Variants in EPB41L2 observed in about 807,000 individuals in gnomAD.
EPB41L2 encodes the protein band 4.1-like protein 2.
A neutral mutation model predicts 113.0 loss-of-function variants in EPB41L2; 43 were observed. The ratio of observed to expected loss-of-function variants is 0.38; its 90% CI spans 0.30 to 0.49. The LOEUF is 0.49. Among genes scored for constraint, EPB41L2 ranks in the 20% least tolerant of loss-of-function variants. The pLI, the probability that EPB41L2 is intolerant of heterozygous loss-of-function variation, is 0.95. For synonymous variants in EPB41L2, 442 were observed against 436.7 expected, an observed-to-expected ratio of 1.01 and a Z score of -0.15; for missense variants, 1,147 against 1,223.4, an observed-to-expected ratio of 0.94 and a Z score of 0.93.
chr6:130,889,860 G>T (rs950472802), intron 11 of EPB41L2, among the ~76,000 whole-genome samples: 1 of 152,034 alleles, frequency 6.6e-6, no homozygotes, highest in African/African-American at 2.4e-5. Flanking sequence ...GAAATGTTAG[G>T]GACCAGAAGT....
chr6:131,035,219 C>T lies in EPB41L2; in HGVS notation c.-15+27936G>A, dbSNP rs753667908. 4.4e-4 allele frequency among the ~76,000 whole-genome samples: 67 copies of T among 152,314 alleles called. 1 individual carries two copies. The highest frequency in any genetic ancestry group is 8.3e-4 in the South Asian group (4 of 4,830). On this transcript the variant is annotated intron_variant, in intron 1 of 19. Coordinates refer to ENST00000337057, the MANE Select transcript of EPB41L2 (RefSeq NM_001431.4). ...TACTTAAGGAAGGAAATGCCAAATACAACAGTGAGCAAAGCCAGCAATGAC... is the reference window on the plus strand; with the variant it reads ...TACTTAAGGAAGGAAATGCCAAATATAACAGTGAGCAAAGCCAGCAATGAC...
intron 1 of EPB41L2, among the ~76,000 whole-genome samples, chr6:131,016,477 AACACACACACACACAC>A (rs10584309): frequency 9.1e-5 from 13 of 143,536 alleles, no homozygotes; most frequent in South Asian, 2.3e-4. Flanking sequence ...TTAATAAGGA[AACACACACACACACAC>A]ACACACACAC....
Position 130,899,539 on chromosome 6 carries a change from T to C in EPB41L2, c.1188A>G (p.Glu396=). Residue 396 remains glutamate (E), a synonymous_variant, in exon 8 of 20, where the codon GAA becomes GAG. Coordinates refer to ENST00000337057, the MANE Select transcript of EPB41L2 (RefSeq NM_001431.4). ...CATACATGGAAAGCCTCTTTGCATT[T>C]TCTAAGAACTGGGAATCAGCTTGTG... is the stretch of plus-strand genomic sequence containing the variant. ...SPAQADSQFL[E]NAKRLSMYGV... is the part of the protein sequence containing the mutation. 3 of 1,614,002 alleles carry C rather than the reference T, an allele frequency of 1.9e-6. No individual in the cohort carries two copies. Among genetic ancestry groups the C allele is most frequent in the Non-Finnish European group, 1.7e-6 (2 of 1,179,884 alleles).
intron 1 of EPB41L2, among the ~76,000 whole-genome samples, chr6:131,034,753 T>A (rs1288507612): frequency 3.3e-5 from 5 of 152,212 alleles, no homozygotes; most frequent in Admixed American, 6.5e-5. Flanking sequence ...ACTTGAAAGA[T>A]CACCCTACAA....
chr6:130,871,325 C>T (rs1189885969), intron 14 of EPB41L2, among the ~76,000 whole-genome samples: 1 of 152,102 alleles, frequency 6.6e-6, no homozygotes, highest in Non-Finnish European at 1.5e-5. Context: ...CTAGGTGGTA[C>T]TACTGCCTAT....
chr6:130,954,259 T>C (rs1452749186), intron 3 of EPB41L2, among the ~76,000 whole-genome samples: 46 of 151,830 alleles, frequency 3.0e-4, no homozygotes, highest in Non-Finnish European at 2.5e-4. Context: ...TTCACCATGT[T>C]AGCCAGGATG....
chr6:130,957,716 T>C (rs1446735084), intron 1 of EPB41L2, among the ~76,000 whole-genome samples: 2 of 152,162 alleles, frequency 1.3e-5, no homozygotes, highest in Admixed American at 6.5e-5. Flanking sequence ...TAAAGCTTTA[T>C]TAAGATATAA....
chr6:130,979,999 A>G (rs1306587116), intron 1 of EPB41L2, among the ~76,000 whole-genome samples: 1 of 152,192 alleles, frequency 6.6e-6, no homozygotes, highest in African/African-American at 2.4e-5. Context: ...GGAGGCTAAG[A>G]AGGATCAGCA....
At chr6:130,865,668 G>A (rs1450564839) in intron 16 of EPB41L2, 34 bp from the exon 17 acceptor site, 2 of 1,596,230 alleles carry the variant, frequency 1.3e-6, no homozygotes, top group Admixed American at 1.7e-5. Context: ...ACAAAGTAAT[G>A]CTTAACTTCT....
At chr6:131,030,144 C>T (rs1365464717) in intron 1 of EPB41L2, among the ~76,000 whole-genome samples, 2 of 152,174 alleles carry the variant, frequency 1.3e-5, no homozygotes, top group Non-Finnish European at 2.9e-5. Flanking sequence ...GTGACTCGCT[C>T]AAGAATAAAG....
intron 3 of EPB41L2, among the ~76,000 whole-genome samples, chr6:130,954,040 C>CT (rs780758511): frequency 0.032 from 1,877 of 58,692 alleles, 321 homozygotes; most frequent in Middle Eastern, 0.074. Flanking sequence ...CCTTTTCTTT[C>CT]TTTTTTTTTT....
chr6:130,843,786 A>T (rs1338779208), intron 19 of EPB41L2, among the ~76,000 whole-genome samples: 1 of 152,212 alleles, frequency 6.6e-6, no homozygotes, highest in African/African-American at 2.4e-5. Flanking sequence ...ATGTGGCTCA[A>T]TTTCATCTAA....
intron 1 of EPB41L2, among the ~76,000 whole-genome samples, chr6:130,989,090 AAAACAAAC>A (rs140841341): frequency 4.0e-5 from 6 of 151,304 alleles, no homozygotes; most frequent in African/African-American, 1.5e-4. Context: ...CTCTGTCTCA[AAAACAAAC>A]AAACAAACAA....
At chr6:130,948,139 C>G (rs1020430231) in intron 3 of EPB41L2, among the ~76,000 whole-genome samples, 1 of 152,156 alleles carries the variant, frequency 6.6e-6, no homozygotes, top group African/African-American at 2.4e-5. Flanking sequence ...AAGTAATCAT[C>G]TATTAAATGA....
intron 14 of EPB41L2, chr6:130,876,630 AGGGGG>A (rs1488252312): frequency 2.6e-6 from 3 of 1,158,354 alleles, no homozygotes; most frequent in Non-Finnish European, 3.4e-6. Flanking sequence ...ACAAAAGGAA[AGGGGG>A]AAAAAGCAAG....
rs182178009 is a variant in EPB41L2 at position 130,860,724 on chromosome 6, C to T, written c.2911-2481G>A. On this transcript the variant is annotated intron_variant, in intron 18 of 19. Transcript: ENST00000337057. ...ATTTTTTTTCTATTTTTAGTAGAGA[C>T]GGGGTTTCATCGTGTTAGCCAGGAT... 2.1e-3 allele frequency among the ~76,000 whole-genome samples: 326 copies of T among 151,982 alleles called. 3 individuals are homozygous for T. The highest frequency in any genetic ancestry group is 0.01 in the Middle Eastern group (3 of 294).
chr6:131,015,405 CT>C (rs1787971811), intron 1 of EPB41L2: 1 of 152,158 alleles, frequency 6.6e-6, no homozygotes, highest in African/African-American at 2.4e-5. Flanking sequence ...ACAAGAATAA[CT>C]TTCGAATAAG....
Position 130,899,169 on chromosome 6 carries a change from C to A in EPB41L2, c.1236+322G>T, listed in dbSNP as rs1324814723. ...AGAGGGAACTGGGACAGACACAGCA[C>A]TTGGCCTAGCAGAAGCTGCAATGCA... On this transcript the variant is annotated intron_variant, in intron 8 of 19. Coordinates refer to ENST00000337057, the MANE Select transcript of EPB41L2 (RefSeq NM_001431.4). Among the ~76,000 whole-genome samples, 4 of 151,942 alleles carry A rather than the reference C, an allele frequency of 2.6e-5. No individual in the cohort carries two copies. The South Asian group carries it at 8.3e-4, about 32-fold the overall frequency.
intron 1 of EPB41L2, among the ~76,000 whole-genome samples, chr6:130,987,719 G>T (rs1394134726): frequency 6.6e-6 from 1 of 151,664 alleles, no homozygotes; most frequent in East Asian, 1.9e-4. Context: ...ATGAATGAAT[G>T]AATGAATGAA....
Sources: gnomAD v4.1 joint callset for allele counts (sites outside exome capture counted in the v4.1 genomes callset) on GRCh38, gnomAD v4.1.1 for gene constraint, MANE v1.5 for transcripts, NCBI Gene and HGNC (gene_info 2026-07-23, HGNC 2026-07-21) for gene names.